The following PIP5K1B variants were observed in gnomAD, a reference collection of about 807,000 sequenced individuals.
PIP5K1B encodes the protein phosphatidylinositol-4-phosphate 5-kinase type 1 beta.
In PIP5K1B, 42 loss-of-function variants were observed where a neutral mutation model predicts 67.0. The ratio of observed to expected loss-of-function variants is 0.63; its 90% CI spans 0.49 to 0.81. The LOEUF (loss-of-function observed/expected upper bound fraction) is 0.81. Ranked by LOEUF, PIP5K1B falls within the 30% of genes least tolerant of loss-of-function variation. The probability of loss-of-function intolerance (pLI) is 0.00; values close to 1 mark genes in which losing one functional copy is unlikely to be tolerated. For synonymous variants in PIP5K1B, 214 were observed against 231.4 expected (o/e 0.92, Z 0.68); for missense variants, 459 against 646.3 (o/e 0.71, Z 3.14).
At chr9:68,845,156 A>C (rs1336933062) in intron 4 of PIP5K1B, among the ~76,000 whole-genome samples, 1 of 152,176 alleles carries the variant, frequency 6.6e-6, no homozygotes, top group Non-Finnish European at 1.5e-5. Context: ...CCCGTGCTAT[A>C]ATGAAGCTGT....
At chr9:68,870,440 T>G (rs1376821070) in intron 5 of PIP5K1B, among the ~76,000 whole-genome samples, 1 of 152,194 alleles carries the variant, frequency 6.6e-6, no homozygotes, top group African/African-American at 2.4e-5. Flanking sequence ...TTGCTTTGTT[T>G]TGTTTTTCCA....
At chr9:68,726,255 CCTT>C (rs1828144543) in intron 1 of PIP5K1B, among the ~76,000 whole-genome samples, 2 of 152,068 alleles carry the variant, frequency 1.3e-5, no homozygotes, top group Admixed American at 1.3e-4. Context: ...AATATATACA[CCTT>C]CTATGTACCA....
At chr9:68,978,964 A>G (rs1829763028) in intron 14 of PIP5K1B, among the ~76,000 whole-genome samples, 1 of 152,216 alleles carries the variant, frequency 6.6e-6, no homozygotes, top group South Asian at 2.1e-4. Flanking sequence ...TGTATATGAT[A>G]TGAGTAGGGG....
At chr9:69,003,327 G>A (rs539011327) in intron 15 of PIP5K1B, among the ~76,000 whole-genome samples, 23 of 152,234 alleles carry the variant, frequency 1.5e-4, no homozygotes, top group African/African-American at 5.5e-4. Flanking sequence ...TACGATGGCC[G>A]AGAGAAAAGC....
chr9:68,811,448 G>A (rs1833159659), intron 2 of PIP5K1B, among the ~76,000 whole-genome samples: 1 of 152,094 alleles, frequency 6.6e-6, no homozygotes, highest in Non-Finnish European at 1.5e-5. Flanking sequence ...GCGGGTAGAA[G>A]GTAGATGAGA....
chr9:68,811,665 T>C (rs1248121442), intron 2 of PIP5K1B, among the ~76,000 whole-genome samples: 1 of 152,186 alleles, frequency 6.6e-6, no homozygotes, highest in East Asian at 1.9e-4. Flanking sequence ...CTAAAAGCAA[T>C]AGTGGCATCA....
intron 4 of PIP5K1B, 110 bp from the exon 5 acceptor site, chr9:68,863,727 T>A (rs1564191662): frequency 1.1e-6 from 1 of 870,988 alleles, no homozygotes; most frequent in Non-Finnish European, 1.7e-6. Flanking sequence ...GCCTCGTCAT[T>A]GTTTTGGAGC....
chr9:68,957,512 T>C (rs998737419), intron 14 of PIP5K1B, among the ~76,000 whole-genome samples: 3 of 152,222 alleles, frequency 2.0e-5, no homozygotes, highest in African/African-American at 7.2e-5. Context: ...ATGCATTTAA[T>C]GTTTTATACG....
intron 14 of PIP5K1B, among the ~76,000 whole-genome samples, chr9:68,955,014 A>C (rs540469091): frequency 1.3e-5 from 2 of 152,376 alleles, no homozygotes; most frequent in East Asian, 3.9e-4. Context: ...AAATAGTCAC[A>C]ATAGAAAGCA....
chr9:68,995,744 G>A (rs1449576025), intron 15 of PIP5K1B, among the ~76,000 whole-genome samples: 1 of 151,292 alleles, frequency 6.6e-6, no homozygotes, highest in Non-Finnish European at 1.5e-5. Context: ...GGCAGAGGTT[G>A]CGGTGAGCCA....
At chr9:68,743,484 C>T (rs565691984) in intron 2 of PIP5K1B, among the ~76,000 whole-genome samples, 5 of 152,272 alleles carry the variant, frequency 3.3e-5, no homozygotes, top group East Asian at 1.9e-4. Context: ...ATTACAGGCA[C>T]GAGGCAGGCT....
intron 14 of PIP5K1B, among the ~76,000 whole-genome samples, chr9:68,988,725 A>C (rs917209575): frequency 6.6e-6 from 1 of 152,094 alleles, no homozygotes; most frequent in Admixed American, 6.5e-5. Flanking sequence ...TGCTGGGATT[A>C]TAGGCGTGAG....
intron 5 of PIP5K1B, among the ~76,000 whole-genome samples, chr9:68,867,701 T>C (rs931892701): frequency 1.3e-5 from 2 of 152,206 alleles, no homozygotes; most frequent in Non-Finnish European, 2.9e-5. Flanking sequence ...GTATGTCAAT[T>C]AAACTTCAAT....
At chr9:68,970,132 A>G (rs770120169) in intron 14 of PIP5K1B, among the ~76,000 whole-genome samples, 18 of 152,242 alleles carry the variant, frequency 1.2e-4, no homozygotes, top group Admixed American at 5.9e-4. Context: ...CTAGTTCCTC[A>G]ACTCTGAATC....
chr9:68,779,358 T>G (rs1831093543), intron 2 of PIP5K1B, among the ~76,000 whole-genome samples: 1 of 152,172 alleles, frequency 6.6e-6, no homozygotes, highest in African/African-American at 2.4e-5. Context: ...CTAACCTAAA[T>G]AGTTCTCAGA....
At chr9:68,838,902 T>G (rs1821770111) in intron 4 of PIP5K1B, among the ~76,000 whole-genome samples, 1 of 152,240 alleles carries the variant, frequency 6.6e-6, no homozygotes, top group African/African-American at 2.4e-5. Context: ...AAATCATGTT[T>G]CTCTTAAAAT....
chr9:68,888,887 A>C, intron 6 of PIP5K1B, 94 bp from the exon 7 acceptor site: 3 of 832,294 alleles, frequency 3.6e-6, no homozygotes, highest in Non-Finnish European at 5.8e-6. Flanking sequence ...TCTTGTTTCA[A>C]CATAGCTAAG....
intron 14 of PIP5K1B, among the ~76,000 whole-genome samples, chr9:68,981,187 G>T (rs1829865858): frequency 6.6e-6 from 1 of 152,128 alleles, no homozygotes; most frequent in South Asian, 2.1e-4. Flanking sequence ...GGAAAGCAGG[G>T]ACAAAGATGA....
chr9:68,751,066 G>C (rs954318245), intron 2 of PIP5K1B, among the ~76,000 whole-genome samples: 2 of 152,182 alleles, frequency 1.3e-5, no homozygotes, highest in African/African-American at 4.8e-5. Flanking sequence ...ACGGTTCAGG[G>C]ATCATTATTG....
Sources: allele counts gnomAD v4.1 joint callset (sites outside exome capture counted in the v4.1 genomes callset), GRCh38; gene constraint gnomAD v4.1.1; transcripts MANE v1.5; gene names NCBI Gene and HGNC (gene_info 2026-07-23, HGNC 2026-07-21).